SPTBN1: variants seen among roughly 807,000 people sequenced by gnomAD.
SPTBN1 encodes the protein spectrin beta, non-erythrocytic 1, also known as spectrin beta chain, non-erythrocytic 1.
A neutral mutation model predicts 266.4 loss-of-function variants in SPTBN1; 32 were observed. The observed-to-expected ratio is 0.12, with a 90% confidence interval of 0.09 to 0.16. The LOEUF is 0.16. Ranked by LOEUF, SPTBN1 falls within the 10% of genes least tolerant of loss-of-function variation. The pLI is 1.00. For missense variants in SPTBN1, 2,296 were observed against 3,067.1 expected, an observed-to-expected ratio of 0.75 and a Z score of 5.94; for synonymous variants, 1,336 against 1,162.2, an observed-to-expected ratio of 1.15 and a Z score of -3.04.
rs540981419 is a variant in SPTBN1, at chr2:54,646,950, G to A, written c.4867-181G>A. ...GTGTTTATCTTCTGCACAGGCTTCT[G>A]TGGTCCAGTCCATATGGAAGCTCTT... On this transcript the variant is annotated intron_variant, in intron 23 of 35. Coordinates refer to ENST00000356805, the MANE Select transcript of SPTBN1 (RefSeq NM_003128.3). This position sits in a 1 kb window ranked among gnomAD's most constrained non-coding sequence, Gnocchi z 4.4. Among the ~76,000 whole-genome samples the A allele has an allele frequency of 6.6e-6, 1 of 152,302 alleles. No individual in the cohort carries two copies. The highest frequency in any genetic ancestry group is 1.9e-4 in the East Asian group (1 of 5,186).
intron 2 of SPTBN1, among the ~76,000 whole-genome samples, chr2:54,574,776 T>C (rs1674343696): frequency 6.6e-6 from 1 of 152,222 alleles, no homozygotes; most frequent in Non-Finnish European, 1.5e-5. Context: ...ATGCCTGTGA[T>C]GTAGTTAGTT....
chr2:54,614,077 T>C (rs1677408929), intron 4 of SPTBN1, among the ~76,000 whole-genome samples: 1 of 152,226 alleles, frequency 6.6e-6, no homozygotes, highest in Non-Finnish European at 1.5e-5. Flanking sequence ...AACTTGTAAA[T>C]GCTGATGTGT....
At chr2:54,565,079 C>A (rs1447341694) in intron 2 of SPTBN1, among the ~76,000 whole-genome samples, 1 of 152,194 alleles carries the variant, frequency 6.6e-6, no homozygotes, top group African/African-American at 2.4e-5. Context: ...AATCTCAGAT[C>A]TCCACTTCTC....
At chr2:54,473,264 A>G (rs1694016196) in intron 1 of SPTBN1, among the ~76,000 whole-genome samples, 1 of 152,310 alleles carries the variant, frequency 6.6e-6, no homozygotes, top group Non-Finnish European at 1.5e-5. Flanking sequence ...TATTTGGGGT[A>G]TGTTTTTAGA....
chr2:54,462,923 C>G (rs78652069), intron 1 of SPTBN1, among the ~76,000 whole-genome samples: 1 of 152,234 alleles, frequency 6.6e-6, no homozygotes, highest in Admixed American at 6.5e-5. Context: ...ACATGGTGTT[C>G]TAGGCAGTAA....
At chr2:54,478,329 TG>T (rs1486690458) in intron 1 of SPTBN1, among the ~76,000 whole-genome samples, 1 of 152,054 alleles carries the variant, frequency 6.6e-6, no homozygotes, top group Non-Finnish European at 1.5e-5. Context: ...GAGAGAGGAT[TG>T]TTTTTTTTCC....
intron 2 of SPTBN1, among the ~76,000 whole-genome samples, chr2:54,555,643 C>T (rs1359687267): frequency 6.6e-6 from 1 of 152,208 alleles, no homozygotes; most frequent in Admixed American, 6.5e-5. Context: ...CCTCTACTCC[C>T]CTGGCTCAAA....
intron 1 of SPTBN1, among the ~76,000 whole-genome samples, chr2:54,478,327 A>C (rs542788762): frequency 6.6e-6 from 1 of 151,564 alleles, no homozygotes; most frequent in African/African-American, 2.4e-5. Flanking sequence ...TTGAGAGAGG[A>C]TTGTTTTTTT....
At chr2:54,557,631 TAAAC>T in intron 2 of SPTBN1, 2 of 813,420 alleles carry the variant, frequency 2.5e-6, no homozygotes, top group African/African-American at 1.9e-5. Flanking sequence ...CTCCGGATCA[TAAAC>T]AACTCCAGGT....
intron 1 of SPTBN1, among the ~76,000 whole-genome samples, chr2:54,522,120 T>C (rs1204528786): frequency 1.3e-5 from 2 of 152,024 alleles, no homozygotes; most frequent in African/African-American, 4.8e-5. Context: ...CAGTCTGGTC[T>C]TTAACGCCTG....
At position 54,645,298 on chromosome 2, in the gene SPTBN1, A is replaced by T; in HGVS notation, c.4339A>T (p.Ser1447Cys). 6.2e-7 allele frequency: 1 copy of T among 1,614,214 alleles called. No homozygotes were observed. Among genetic ancestry groups the T allele is most frequent in the East Asian group, 2.2e-5 (1 of 44,882 alleles). ...GCTCCAAAGCCAAGCCCAGGCCCTG[A>T]GTCAGGAAGGGAAGAGCACCGACGA... ...EELQSQAQALSQEGKSTDEVD... is the reference protein window; with the variant it reads ...EELQSQAQALCQEGKSTDEVD... The change falls in exon 21 of 36, where the codon AGT becomes TGT. Residue 1447 changes from serine (S) to cysteine (C), a missense_variant. Coordinates refer to ENST00000356805, the MANE Select transcript of SPTBN1 (RefSeq NM_003128.3). The surrounding 1 kb of genome is among the most constrained non-coding windows in gnomAD (Gnocchi z 4.3).
chr2:54,493,295 C>T lies in SPTBN1; in HGVS notation c.-47-33077C>T, dbSNP rs1178330938. ...TGTTGGAATTACAGGCATGAACCACCGCACCCGGCCTAAGGAGCATATCTT... is the reference window on the plus strand; with the variant it reads ...TGTTGGAATTACAGGCATGAACCACTGCACCCGGCCTAAGGAGCATATCTT... On this transcript the variant is annotated intron_variant, in intron 1 of 35. Coordinates refer to ENST00000356805, the MANE Select transcript of SPTBN1 (RefSeq NM_003128.3). Among the ~76,000 whole-genome samples, 11 of 152,094 alleles carry T rather than the reference C, an allele frequency of 7.2e-5. No individual in the cohort carries two copies. In the South Asian group the frequency reaches 1.9e-3, roughly 26 times the overall value.
Position 54,490,054 on chromosome 2 carries a change from CAG to C in SPTBN1, c.-48+33540_-48+33541del, listed in dbSNP as rs1573257834. Among the ~76,000 whole-genome samples, 3 of 151,336 alleles carry C rather than the reference CAG, an allele frequency of 2.0e-5. No homozygotes were observed. The South Asian group carries it at 6.3e-4, about 32-fold the overall frequency. Reference sequence around the variant, plus strand: ...CTGTGCAGTTTTGCTGGAGTGATGACAGAGAATGGAAAACAAGTTTATGAATT... The same window carrying C: ...CTGTGCAGTTTTGCTGGAGTGATGACAGAATGGAAAACAAGTTTATGAATT... On this transcript the variant is annotated intron_variant, in intron 1 of 35. Transcript: ENST00000356805.
At chr2:54,483,327 T>G (rs1668192746) in intron 1 of SPTBN1, among the ~76,000 whole-genome samples, 1 of 152,176 alleles carries the variant, frequency 6.6e-6, no homozygotes, top group Non-Finnish European at 1.5e-5. Flanking sequence ...TCAATTATGT[T>G]CCATGTTTGT....
intron 32 of SPTBN1, chr2:54,661,048 C>T (rs1282977132): frequency 1.0e-6 from 1 of 985,366 alleles, no homozygotes; most frequent in East Asian, 1.1e-4. Flanking sequence ...CGCTCGCATG[C>T]CCCCTGGCTT....
rs971771894 is a variant in SPTBN1, at chr2:54,485,185, CGTCTCCCTCTCG to C, written c.-48+28679_-48+28690del. Among the ~76,000 whole-genome samples, 5 of 151,820 alleles carry C rather than the reference CGTCTCCCTCTCG, an allele frequency of 3.3e-5. 1 individual carries two copies. The highest frequency in any genetic ancestry group is 3.3e-4 in the Admixed American group (5 of 15,254). ...CTCCCTCTCCCTCCGTCTCCCTCTCCGTCTCCCTCTCGGTCTCCCTCTCCCTCTCTTTCCATG... is the reference window on the plus strand; with the variant it reads ...CTCCCTCTCCCTCCGTCTCCCTCTCCGTCTCCCTCTCCCTCTCTTTCCATG... On this transcript the variant is annotated intron_variant, in intron 1 of 35. Transcript: ENST00000356805.
intron 10 of SPTBN1, 116 bp from the exon 11 acceptor site, chr2:54,624,688 C>G (rs1037566010): frequency 6.9e-7 from 1 of 1,450,282 alleles, no homozygotes; most frequent in Non-Finnish European, 9.2e-7. Context: ...ATGGGATTTC[C>G]CATTCAAGCT....
At chr2:54,596,069 C>G (rs531760607) in intron 2 of SPTBN1, among the ~76,000 whole-genome samples, 1 of 152,264 alleles carries the variant, frequency 6.6e-6, no homozygotes, top group Admixed American at 6.5e-5. Context: ...GCTCATAGGC[C>G]TGGAAGTCGG....
intron 1 of SPTBN1, among the ~76,000 whole-genome samples, chr2:54,485,461 G>A (rs527488271): frequency 9.2e-5 from 14 of 151,674 alleles, no homozygotes; most frequent in Admixed American, 2.6e-4. Context: ...CCAAGGTGCC[G>A]GGATTGCAGA....
Sources: gnomAD v4.1 joint callset for allele counts (sites outside exome capture counted in the v4.1 genomes callset) on GRCh38, gnomAD v4.1.1 for gene constraint, Gnocchi (gnomAD v3.1) non-coding constraint, MANE v1.5 for transcripts, NCBI Gene and HGNC (gene_info 2026-07-23, HGNC 2026-07-21) for gene names.